Variants in CYB561D2 observed in about 807,000 individuals in gnomAD.
The protein encoded by CYB561D2 is cytochrome b561 family member D2.
In CYB561D2, 16 loss-of-function variants were observed where a neutral mutation model predicts 20.2. The observed-to-expected ratio is 0.79, with a 90% CI of 0.53 to 1.20. The LOEUF (loss-of-function observed/expected upper bound fraction) is 1.20. Ranked by LOEUF, CYB561D2 falls within the 50% of genes most tolerant of loss-of-function variation. The probability of loss-of-function intolerance (pLI) is 0.00; values close to 1 mark genes in which losing one functional copy is unlikely to be tolerated. For missense variants in CYB561D2, 247 were observed against 270.3 expected (o/e 0.91, Z 0.60); for synonymous variants, 135 against 128.3 (o/e 1.05, Z -0.35).
At chr3:50,351,269 T>C in intron 1 of CYB561D2, 140 bp from the exon 2 acceptor site, 3 of 940,716 alleles carry the variant, frequency 3.2e-6, no homozygotes, top group Non-Finnish European at 3.1e-6. Flanking sequence ...GTTGTGACCA[T>C]TCCTGGTGCT....
Position 50,351,515 on chromosome 3 carries a change from C to T in CYB561D2, c.82C>T (p.Leu28=), listed in dbSNP as rs889276667. Residue 28 remains leucine, a synonymous_variant, in exon 2 of 4, where the codon CTG becomes TTG. Transcript: ENST00000425346. ...TGGCGCTGCCGCCCACCTTGTGGCC[C>T]TGGGCTTTACCATCTTTGTGGCTGT... is the stretch of plus-strand genomic sequence containing the variant. The part of the protein sequence containing the change: ...ASGAAAHLVA[L]GFTIFVAVLA... 1.9e-6 allele frequency: 3 copies of T among 1,611,892 alleles called. No homozygotes were observed. The highest frequency in any genetic ancestry group is 2.5e-6 in the Non-Finnish European group (3 of 1,179,142).
chr3:50,351,192 G>A (rs997667076), intron 1 of CYB561D2: 2 of 536,882 alleles, frequency 3.7e-6, no homozygotes, highest in Admixed American at 3.8e-5. Context: ...CCTGGAAGGC[G>A]GGCCAGCGAT....
chr3:50,353,300 C>T lies in CYB561D2; in HGVS notation c.225C>T (p.His75=). ...LVFSPESSLL[H]SLSRKGRARC... is the part of the protein sequence containing the mutation. ...TTTCTCCTGAGAGTTCGCTGCTGCACTCCCTCTCACGGAAAGGCCGAGCAC... is the reference window on the plus strand; with the variant it reads ...TTTCTCCTGAGAGTTCGCTGCTGCATTCCCTCTCACGGAAAGGCCGAGCAC... The change falls in exon 4 of 4, where the codon CAC becomes CAT. Residue 75 remains histidine (H), a synonymous_variant. Transcript: ENST00000425346. 1 of 1,600,952 alleles carries T rather than the reference C, an allele frequency of 6.2e-7. No individual in the cohort carries two copies. The highest frequency in any genetic ancestry group is 8.5e-7 in the Non-Finnish European group (1 of 1,169,866).
intron 1 of CYB561D2, 127 bp downstream of exon 1, chr3:50,351,111 G>A: frequency 2.2e-6 from 1 of 446,232 alleles, no homozygotes; most frequent in Non-Finnish European, 3.8e-6. Context: ...CGCCCTCCCA[G>A]CTGGCTCTAC....
chr3:50,351,928 TG>T, intron 2 of CYB561D2, 80 bp from the exon 3 acceptor site: 2 of 1,553,338 alleles, frequency 1.3e-6, no homozygotes, highest in Non-Finnish European at 1.8e-6. Flanking sequence ...GATGGGCTGC[TG>T]GTATTCCTCA....
In CYB561D2 at chr3:50,351,431, A is replaced by G. The variant is rs779616064; in HGVS notation, c.-3A>G. 6.2e-6 allele frequency: 10 copies of G among 1,613,362 alleles called. No individual in the cohort carries two copies. In the African/African-American group the frequency reaches 8.0e-5, roughly 13 times the overall value. On this transcript the variant is annotated 5_prime_UTR_variant, in exon 2 of 4. Coordinates refer to ENST00000425346, the MANE Select transcript of CYB561D2 (RefSeq NM_001291284.2). ...CAGGCTACAACCACTAGCACGGCTG[A>G]CGATGGCCCTTTCTGCGGAGACCGA...
At position 50,353,357 on chromosome 3, in the gene CYB561D2, G is replaced by A. The variant is rs587764334; in HGVS notation, c.282G>A (p.Leu94=). Residue 94 remains leucine (L), a synonymous_variant, in exon 4 of 4, where the codon CTG becomes CTA. Transcript: ENST00000425346. ...ACTGGGTGCTGCAGCTGCTGGCCCTGCTGTGTGCACTGCTGGGCCTCGGCC... is the reference window on the plus strand; with the variant it reads ...ACTGGGTGCTGCAGCTGCTGGCCCTACTGTGTGCACTGCTGGGCCTCGGCC... The part of the protein sequence containing the change: ...RCHWVLQLLA[L]LCALLGLGLV... The A allele has an allele frequency of 6.2e-7, 1 of 1,613,504 alleles. No homozygotes were observed. The highest frequency in any genetic ancestry group is 1.7e-5 in the Admixed American group (1 of 60,030).
chr3:50,353,852 G>A lies in CYB561D2; in HGVS notation c.*108G>A. On this transcript the variant is annotated 3_prime_UTR_variant, in exon 4 of 4. Transcript: ENST00000425346. ...AGTCAGGGGACACCTCAGGCACTGG[G>A]ACAGTTGGGCATTTGGAGGCCCGTG... is the stretch of plus-strand genomic sequence containing the variant. 10 of 1,351,448 alleles carry A rather than the reference G, an allele frequency of 7.4e-6. No individual in the cohort carries two copies. In the South Asian group the frequency reaches 1.4e-4, roughly 19 times the overall value. 83.7% of individuals were successfully genotyped at this position (1,351,448 alleles called of 1,614,324 possible). A position where few individuals can be genotyped will look rare whatever the true frequency, so the allele number is the denominator to read the frequency against.
At chr3:50,351,264 G>T (rs914946892) in intron 1 of CYB561D2, 145 bp from the exon 2 acceptor site, 12 of 903,156 alleles carry the variant, frequency 1.3e-5, no homozygotes, top group African/African-American at 3.4e-5. Context: ...GGCATGTTGT[G>T]ACCATTCCTG....
Position 50,352,554 on chromosome 3 carries a change from C to T in CYB561D2, c.165+508C>T, listed in dbSNP as rs761870369. On this transcript the variant is annotated intron_variant, in intron 3 of 3. Transcript: ENST00000425346. Reference sequence around the variant, plus strand: ...ACCAAAAATTAGCTGGGTGTGGTGGCAGGTGCCTGTAATCCCAGTTACTCA... The same window carrying T: ...ACCAAAAATTAGCTGGGTGTGGTGGTAGGTGCCTGTAATCCCAGTTACTCA... 9.4e-4 allele frequency among the ~76,000 whole-genome samples: 142 copies of T among 150,446 alleles called. 1 individual carries two copies. The highest frequency in any genetic ancestry group is 1.8e-3 in the Non-Finnish European group (124 of 67,696).
In CYB561D2 at chr3:50,353,393, C is replaced by T. The variant is rs367947302; in HGVS notation, c.318C>T (p.Leu106=). The change falls in exon 4 of 4, where the codon CTC becomes CTT. Residue 106 remains leucine, a synonymous_variant. Coordinates refer to ENST00000425346, the MANE Select transcript of CYB561D2 (RefSeq NM_001291284.2). ...CALLGLGLVI[L]HKEQLGKAHL... ...TGCTGGGCCTCGGCCTTGTCATCCT[C>T]CACAAAGAGCAGCTTGGCAAAGCCC... The T allele has an allele frequency of 3.7e-6, 6 of 1,613,340 alleles. No individual in the cohort carries two copies. In the African/African-American group the frequency reaches 4.0e-5, roughly 11 times the overall value.
At chr3:50,352,291 C>G (rs1023286710) in intron 3 of CYB561D2, among the ~76,000 whole-genome samples, 2 of 151,864 alleles carry the variant, frequency 1.3e-5, no homozygotes, top group Non-Finnish European at 2.9e-5. Flanking sequence ...CCATCTTGGC[C>G]AACATGGTGA....
chr3:50,351,343 C>A, intron 1 of CYB561D2, 66 bp from the exon 2 acceptor site: 2 of 1,520,544 alleles, frequency 1.3e-6, no homozygotes. Context: ...TGCCTTGCAG[C>A]CTTTTCTCCA....
chr3:50,352,444 C>A (rs1265995763), intron 3 of CYB561D2, among the ~76,000 whole-genome samples: 1 of 149,604 alleles, frequency 6.7e-6, no homozygotes, highest in Non-Finnish European at 1.5e-5. Context: ...TGCGCCACTG[C>A]ACTCTAACCT....
At chr3:50,352,720 A>G (rs1703800221) in intron 3 of CYB561D2, among the ~76,000 whole-genome samples, 1 of 151,016 alleles carries the variant, frequency 6.6e-6, no homozygotes, top group Non-Finnish European at 1.5e-5. Context: ...GACTTGAATC[A>G]GAGTAATGAA....
intron 3 of CYB561D2, 101 bp downstream of exon 3, chr3:50,352,147 A>G (rs903734961): frequency 7.1e-7 from 1 of 1,404,056 alleles, no homozygotes; most frequent in East Asian, 2.3e-5. Context: ...ATCTGTTTGG[A>G]AGAGTTGCAT....
intron 1 of CYB561D2, 21 bp downstream of exon 1, chr3:50,351,005 G>A (rs587731224): frequency 1.3e-5 from 12 of 906,318 alleles, no homozygotes; most frequent in Admixed American, 4.1e-5. Flanking sequence ...AGCGTGGAGG[G>A]GCAGCATGCT....
rs1703826349 is a variant in CYB561D2 at position 50,353,807 on chromosome 3, C to G, written c.*63C>G. On this transcript the variant is annotated 3_prime_UTR_variant, in exon 4 of 4. Transcript: ENST00000425346. The stretch of plus-strand genomic sequence containing the variant: ...CCATGTAGGAGCTGGGCCTAGGGAC[C>G]TGTTGAACTCTCTCAGCTGAGTCAG... The G allele has an allele frequency of 1.3e-6, 2 of 1,521,416 alleles. No homozygotes were observed. The highest frequency in any genetic ancestry group is 1.8e-6 in the Non-Finnish European group (2 of 1,133,480). 94.2% of individuals were successfully genotyped at this position (1,521,416 alleles called of 1,614,324 possible). A position where few individuals can be genotyped will look rare whatever the true frequency, so the allele number is the denominator to read the frequency against.
rs1703829214 is a variant in CYB561D2, at chr3:50,353,995, CCT to C, written c.*252_*253del. 3.9e-6 allele frequency: 2 copies of C among 512,580 alleles called. No individual in the cohort carries two copies. The highest frequency in any genetic ancestry group is 3.5e-6 in the Non-Finnish European group (1 of 287,270). 31.8% of individuals were successfully genotyped at this position (512,580 alleles called of 1,614,324 possible). A position where few individuals can be genotyped will look rare whatever the true frequency, so the allele number is the denominator to read the frequency against. Reference sequence around the variant, plus strand: ...AAGCTGGGGCTGCAAGACTGCCTCTCCTGCAAGGCAGCTCATACTTGTACTGT... The same window carrying C: ...AAGCTGGGGCTGCAAGACTGCCTCTCGCAAGGCAGCTCATACTTGTACTGT... On this transcript the variant is annotated 3_prime_UTR_variant, in exon 4 of 4. Coordinates refer to ENST00000425346, the MANE Select transcript of CYB561D2 (RefSeq NM_001291284.2).
Sources: gnomAD v4.1 joint callset for allele counts (sites outside exome capture counted in the v4.1 genomes callset) on GRCh38, gnomAD v4.1.1 for gene constraint, MANE v1.5 for transcripts, NCBI Gene and HGNC (gene_info 2026-07-23, HGNC 2026-07-21) for gene names.